Variants in MACROD2 observed in about 807,000 individuals in gnomAD.
MACROD2 encodes the protein mono-ADP ribosylhydrolase 2.
MACROD2 carries 36 observed loss-of-function variants against 70.4 expected under a neutral mutation model. The ratio of observed to expected loss-of-function variants is 0.51; its 90% CI spans 0.39 to 0.68. MACROD2 has a LOEUF of 0.68. Among genes scored for constraint, MACROD2 ranks in the 30% least tolerant of loss-of-function variants. MACROD2 has a pLI of 0.00. For synonymous variants in MACROD2, 172 were observed against 178.8 expected (o/e 0.96, Z 0.30); for missense variants, 496 against 538.4 (o/e 0.92, Z 0.78).
chr20:15,115,881 T>A (rs1373172074), intron 5 of MACROD2, among the ~76,000 whole-genome samples: 1 of 152,138 alleles, frequency 6.6e-6, no homozygotes, highest in Non-Finnish European at 1.5e-5. Context: ...AAAGATCAGT[T>A]GGTGGTGCAG....
intron 6 of MACROD2, among the ~76,000 whole-genome samples, chr20:15,407,894 G>T (rs2046025541): frequency 6.6e-6 from 1 of 152,196 alleles, no homozygotes; most frequent in Non-Finnish European, 1.5e-5. Flanking sequence ...TGAGGCAACT[G>T]AGGATCAAAG....
chr20:15,452,826 C>T (rs2046661252), intron 7 of MACROD2, among the ~76,000 whole-genome samples: 1 of 152,112 alleles, frequency 6.6e-6, no homozygotes, highest in Admixed American at 6.6e-5. Context: ...TTCCATTTCA[C>T]CTCTCCCAGA....
intron 8 of MACROD2, among the ~76,000 whole-genome samples, chr20:15,799,121 C>T (rs1476813329): frequency 6.6e-6 from 1 of 151,984 alleles, no homozygotes; most frequent in African/African-American, 2.4e-5. Context: ...GAAATTGGGC[C>T]TATAGTTTTA....
At chr20:14,460,215 A>G (rs2123013178) in intron 3 of MACROD2, among the ~76,000 whole-genome samples, 1 of 152,206 alleles carries the variant, frequency 6.6e-6, no homozygotes. Flanking sequence ...TAGTAGAATG[A>G]TTTATAATCC....
At chr20:14,252,177 A>G (rs918141880) in intron 3 of MACROD2, among the ~76,000 whole-genome samples, 1 of 152,026 alleles carries the variant, frequency 6.6e-6, no homozygotes, top group Non-Finnish European at 1.5e-5. Flanking sequence ...ACAGAATTGC[A>G]TAATTACCAG....
chr20:14,202,498 A>G (rs1048873545), intron 3 of MACROD2, among the ~76,000 whole-genome samples: 2 of 152,228 alleles, frequency 1.3e-5, no homozygotes, highest in Non-Finnish European at 2.9e-5. Context: ...TGACACATCA[A>G]AGACAACATA....
In MACROD2 at chr20:14,704,148, A is replaced by C. The variant is rs564522896; in HGVS notation, c.418+19189A>C. On this transcript the variant is annotated intron_variant, in intron 5 of 17. Transcript: ENST00000684519. The stretch of plus-strand genomic sequence containing the variant: ...TTTCTTATGATTTCTTCCAGCATTA[A>C]TCTACCCAAGTTAAGGCTGGAATAA... Among the ~76,000 whole-genome samples, 102 of 152,276 alleles carry C rather than the reference A, an allele frequency of 6.7e-4. 2 individuals carry two copies. The South Asian group carries it at 0.02, about 30-fold the overall frequency.
At chr20:14,885,902 T>C (rs575142061) in intron 5 of MACROD2, among the ~76,000 whole-genome samples, 73 of 152,328 alleles carry the variant, frequency 4.8e-4, no homozygotes, top group Admixed American at 1.7e-3. Flanking sequence ...AGAGTATTCA[T>C]TGAGTATCTA....
chr20:14,223,560 T>A (rs1442854691), intron 3 of MACROD2, among the ~76,000 whole-genome samples: 2 of 146,074 alleles, frequency 1.4e-5, no homozygotes, highest in Non-Finnish European at 3.0e-5. Context: ...CAGGCTGGAG[T>A]GCAGTGGTGC....
intron 5 of MACROD2, among the ~76,000 whole-genome samples, chr20:15,064,796 G>A (rs1256217575): frequency 6.6e-6 from 1 of 152,154 alleles, no homozygotes; most frequent in Non-Finnish European, 1.5e-5. Context: ...GGCACACTTG[G>A]TCTTTGTGTT....
chr20:14,358,302 G>A (rs1650628813), intron 3 of MACROD2, among the ~76,000 whole-genome samples: 2 of 152,002 alleles, frequency 1.3e-5, no homozygotes, highest in South Asian at 2.1e-4. Flanking sequence ...CTTATTCTTG[G>A]GGACAGTTTA....
intron 5 of MACROD2, among the ~76,000 whole-genome samples, chr20:14,865,528 T>G (rs1413229414): frequency 6.6e-6 from 1 of 152,000 alleles, no homozygotes; most frequent in African/African-American, 2.4e-5. Context: ...TTTCCTGGAG[T>G]TCGTTATTCT....
intron 5 of MACROD2, chr20:14,893,642 T>A (rs571091632): frequency 1.3e-5 from 2 of 152,132 alleles, no homozygotes; most frequent in Admixed American, 1.3e-4. Flanking sequence ...AATTTAATAT[T>A]TTTAATACTT....
chr20:14,055,333 G>C (rs747986009), intron 2 of MACROD2, among the ~76,000 whole-genome samples: 5 of 151,890 alleles, frequency 3.3e-5, no homozygotes, highest in Non-Finnish European at 7.4e-5. Flanking sequence ...CCGCCCTCTA[G>C]TGATCGATTT....
intron 8 of MACROD2, among the ~76,000 whole-genome samples, chr20:15,759,145 C>CA (rs57212358): frequency 0.045 from 2,642 of 58,632 alleles, 179 homozygotes; most frequent in African/African-American, 0.1. Context: ...GACTCCATCT[C>CA]AAAAAAAAAA....
intron 3 of MACROD2, among the ~76,000 whole-genome samples, chr20:14,467,157 C>T (rs1455521221): frequency 6.6e-6 from 1 of 152,132 alleles, no homozygotes; most frequent in Non-Finnish European, 1.5e-5. Flanking sequence ...GGCAGGCAGG[C>T]CTCCTTGAGC....
chr20:15,166,326 G>T (rs564308877), intron 5 of MACROD2, among the ~76,000 whole-genome samples: 1 of 152,236 alleles, frequency 6.6e-6, no homozygotes, highest in Non-Finnish European at 1.5e-5. Flanking sequence ...GGCTTCATGA[G>T]TGAGATGAAT....
At chr20:14,444,547 C>T (rs1257760399) in intron 3 of MACROD2, among the ~76,000 whole-genome samples, 1 of 152,014 alleles carries the variant, frequency 6.6e-6, no homozygotes, top group Non-Finnish European at 1.5e-5. Context: ...ACATTCACTC[C>T]CTAGGTGATC....
chr20:14,949,675 C>T (rs1175522967), intron 5 of MACROD2, among the ~76,000 whole-genome samples: 1 of 152,146 alleles, frequency 6.6e-6, no homozygotes, highest in Non-Finnish European at 1.5e-5. Context: ...CTCATTGACG[C>T]ATTCATGGTT....
Sources: gnomAD v4.1 joint callset for allele counts (sites outside exome capture counted in the v4.1 genomes callset) on GRCh38, gnomAD v4.1.1 for gene constraint, MANE v1.5 for transcripts, NCBI Gene and HGNC (gene_info 2026-07-23, HGNC 2026-07-21) for gene names.